Variants in HIVEP1 observed in about 807,000 individuals in gnomAD.
The protein encoded by HIVEP1 is zinc finger protein 40.
Under a neutral mutation model 180.0 loss-of-function variants are expected in HIVEP1, and 36 were observed. The ratio of observed to expected loss-of-function variants is 0.20; its 90% CI spans 0.15 to 0.26. The LOEUF is 0.26. HIVEP1 is among the 10% of genes least tolerant of loss of function. The pLI, the probability that HIVEP1 is intolerant of heterozygous loss-of-function variation, is 1.00. For missense variants in HIVEP1, 3,143 were observed against 3,268.7 expected (o/e 0.96, Z 0.94); for synonymous variants, 1,239 against 1,239.0 (o/e 1.00, Z 0.00).
chr6:12,168,599 C>T (rs1760822017), downstream of HIVEP1, among the ~76,000 whole-genome samples: 1 of 151,386 alleles, frequency 6.6e-6, no homozygotes, highest in Admixed American at 6.6e-5. Context: ...TCAGTAGAAA[C>T]CATACTCTGA....
At chr6:12,045,433 C>T (rs1017942286) in intron 2 of HIVEP1, among the ~76,000 whole-genome samples, 2 of 152,212 alleles carry the variant, frequency 1.3e-5, no homozygotes, top group Non-Finnish European at 2.9e-5. Flanking sequence ...TTTCCTTTAA[C>T]ATCTCATGAG....
At chr6:12,194,099 G>A in the HIVEP1 span, among the ~76,000 whole-genome samples, 1 of 152,146 alleles carries the variant, frequency 6.6e-6, no homozygotes, top group Non-Finnish European at 1.5e-5. Context: ...AGAACAAAAA[G>A]AAGAGAATGC....
the HIVEP1 span, among the ~76,000 whole-genome samples, chr6:12,184,064 G>A: frequency 3.0e-5 from 4 of 132,610 alleles, no homozygotes; most frequent in Non-Finnish European, 6.3e-5. Flanking sequence ...CAGACAGACT[G>A]ATTTGGGGGG....
At chr6:12,015,186 C>T (rs552548321) in intron 1 of HIVEP1, among the ~76,000 whole-genome samples, 2 of 152,336 alleles carry the variant, frequency 1.3e-5, no homozygotes, top group Middle Eastern at 6.8e-3. Context: ...GTCCCTGCCC[C>T]TATGAATGGG....
rs376161362 is a variant in HIVEP1, at chr6:12,121,105, T to C, written c.1310T>C (p.Val437Ala). 112 of 1,614,060 alleles carry C rather than the reference T, an allele frequency of 6.9e-5. No homozygotes were observed. The highest frequency in any genetic ancestry group is 9.3e-5 in the Non-Finnish European group (110 of 1,180,048). The change falls in exon 4 of 9, where the codon GTG (valine) becomes GCG (alanine). Residue 437 changes from valine (V) to alanine (A), a missense_variant. Physicochemically the swap from Val to Ala is moderately conservative, Grantham distance 64 (BLOSUM62 0). Coordinates refer to ENST00000379388, the MANE Select transcript of HIVEP1 (RefSeq NM_002114.4). The surrounding 1 kb of genome is among the most constrained non-coding windows in gnomAD (Gnocchi z 5.3). ...SHTGERPYPC[V>A]TCGFSFKTKS... Reference sequence around the variant, plus strand: ...ACTGGAGAGCGACCCTATCCCTGTGTGACTTGTGGATTTTCATTTAAGACT... The same window carrying C: ...ACTGGAGAGCGACCCTATCCCTGTGCGACTTGTGGATTTTCATTTAAGACT...
chr6:12,108,758 G>T (rs1048369309), intron 3 of HIVEP1, among the ~76,000 whole-genome samples: 1 of 152,148 alleles, frequency 6.6e-6, no homozygotes. Flanking sequence ...CCCGGTTCCC[G>T]CTCGCGCCTC....
rs1334678364 is a variant in HIVEP1 at position 12,163,828 on chromosome 6, A to G, written c.7524A>G (p.Pro2508=). Residue 2508 remains proline, a synonymous_variant, in exon 9 of 9, where the codon CCA becomes CCG. Coordinates refer to ENST00000379388, the MANE Select transcript of HIVEP1 (RefSeq NM_002114.4). ...IVGLANTNMA[P]QVHPPGLALN... ...GCCTAGCCAATACAAATATGGCCCC[A>G]CAAGTCCATCCACCAGGACTGGCTC... The G allele has an allele frequency of 6.2e-7, 1 of 1,614,132 alleles. No individual in the cohort carries two copies. Among genetic ancestry groups the G allele is most frequent in the Admixed American group, 1.7e-5 (1 of 60,018 alleles).
chr6:12,023,328 GT>G (rs1768372456), intron 2 of HIVEP1, among the ~76,000 whole-genome samples: 1 of 152,320 alleles, frequency 6.6e-6, no homozygotes, highest in South Asian at 2.1e-4. Flanking sequence ...AGTGGAGTAG[GT>G]TTAATTTTGA....
chr6:12,015,696 G>A, intron 2 of HIVEP1, 28 bp downstream of exon 2: 4 of 1,599,476 alleles, frequency 2.5e-6, no homozygotes, highest in South Asian at 2.2e-5. Flanking sequence ...GTAGAAGTAA[G>A]GCTTGCTGTA....
chr6:12,181,337 G>A, the HIVEP1 span, among the ~76,000 whole-genome samples: 2 of 152,012 alleles, frequency 1.3e-5, no homozygotes, highest in Non-Finnish European at 2.9e-5. Flanking sequence ...TCCAGCCTGG[G>A]CAACAGAGTG....
At chr6:12,170,617 T>C in the HIVEP1 span, among the ~76,000 whole-genome samples, 1 of 152,150 alleles carries the variant, frequency 6.6e-6, no homozygotes, top group African/African-American at 2.4e-5. Context: ...GAAAGGGCAT[T>C]GAGACCAAGG....
intron 3 of HIVEP1, among the ~76,000 whole-genome samples, chr6:12,101,120 A>G (rs894198338): frequency 2.0e-5 from 3 of 152,212 alleles, no homozygotes; most frequent in African/African-American, 7.2e-5. Flanking sequence ...GACACTTCAC[A>G]TCAGTTGTCA....
At chr6:12,166,180 A>G (rs1396568870), downstream of HIVEP1, among the ~76,000 whole-genome samples, 3 of 152,224 alleles carry the variant, frequency 2.0e-5, no homozygotes, top group Non-Finnish European at 4.4e-5. Context: ...TTAATGTTTT[A>G]ACTGTGTCAT....
intron 2 of HIVEP1, among the ~76,000 whole-genome samples, chr6:12,033,123 A>C (rs949712682): frequency 6.6e-6 from 1 of 152,248 alleles, no homozygotes; most frequent in Non-Finnish European, 1.5e-5. Flanking sequence ...TGAGATATCT[A>C]ACACTTTAGT....
At chr6:12,090,399 A>C (rs564893829) in intron 3 of HIVEP1, among the ~76,000 whole-genome samples, 1 of 152,240 alleles carries the variant, frequency 6.6e-6, no homozygotes, top group East Asian at 1.9e-4. Flanking sequence ...CTGTAGGGGA[A>C]ATAATTTCCT....
rs1314257961 is a variant in HIVEP1, at chr6:12,122,508, T to C, written c.2713T>C (p.Ser905Pro). The change falls in exon 4 of 9, where the codon TCT becomes CCT. Residue 905 changes from serine (S) to proline (P), a missense_variant. Ser to Pro is a moderately conservative substitution (Grantham distance 74). Transcript: ENST00000379388. ...TLVRQAAIED[S>P]SANESHVLGT... ...TGTGAGACAAGCAGCCATAGAAGAC[T>C]CTTCAGCAAATGAAAGTCATGTTCT... 6.2e-7 allele frequency: 1 copy of C among 1,614,200 alleles called. No individual in the cohort carries two copies. Among genetic ancestry groups the C allele is most frequent in the East Asian group, 2.2e-5 (1 of 44,872 alleles).
At chr6:12,050,453 G>T (rs867014733) in intron 2 of HIVEP1, among the ~76,000 whole-genome samples, 1 of 152,050 alleles carries the variant, frequency 6.6e-6, no homozygotes, top group Non-Finnish European at 1.5e-5. Context: ...GGGCGTAGTG[G>T]CAGGCACCTG....
At chr6:12,053,271 A>G (rs1770653622) in intron 2 of HIVEP1, among the ~76,000 whole-genome samples, 1 of 152,012 alleles carries the variant, frequency 6.6e-6, no homozygotes, top group East Asian at 1.9e-4. Context: ...TTTGTGGCAT[A>G]TATAGCCAAA....
intron 7 of HIVEP1, among the ~76,000 whole-genome samples, chr6:12,136,607 G>A (rs773477717): frequency 6.6e-6 from 1 of 152,236 alleles, no homozygotes; most frequent in Non-Finnish European, 1.5e-5. Flanking sequence ...GAGCCAGTGA[G>A]TGCTTAACGT....
Sources: allele counts gnomAD v4.1 joint callset (sites outside exome capture counted in the v4.1 genomes callset), GRCh38; gene constraint gnomAD v4.1.1; non-coding constraint Gnocchi (gnomAD v3.1); transcripts MANE v1.5; gene names NCBI Gene and HGNC (gene_info 2026-07-23, HGNC 2026-07-21).